DCC: variants seen among roughly 807,000 people sequenced by gnomAD.
The protein encoded by DCC is DCC netrin 1 receptor, also known as netrin receptor DCC.
DCC carries 58 observed loss-of-function variants against 172.5 expected under a neutral mutation model. That is an observed-to-expected ratio of 0.34 (90% CI 0.27 to 0.42). The LOEUF is 0.42. Among genes scored for constraint, DCC ranks in the 10% least tolerant of loss-of-function variants. The pLI, the probability that DCC is intolerant of heterozygous loss-of-function variation, is 1.00. For missense variants in DCC, 1,740 were observed against 1,791.0 expected (o/e 0.97, Z 0.51); for synonymous variants, 709 against 644.5 (o/e 1.10, Z -1.52).
At chr18:53,313,842 G>A (rs1313676216) in intron 13 of DCC, among the ~76,000 whole-genome samples, 1 of 152,162 alleles carries the variant, frequency 6.6e-6, no homozygotes, top group Non-Finnish European at 1.5e-5. Context: ...GATAGTCCAA[G>A]CTTTAACTAA....
At chr18:53,327,651 A>G (rs2057481345) in intron 14 of DCC, among the ~76,000 whole-genome samples, 1 of 152,186 alleles carries the variant, frequency 6.6e-6, no homozygotes, top group African/African-American at 2.4e-5. Flanking sequence ...CCCAGGAAAT[A>G]GGTAATCAGC....
intron 1 of DCC, among the ~76,000 whole-genome samples, chr18:52,541,901 A>G (rs1372149832): frequency 1.5e-5 from 2 of 137,018 alleles, no homozygotes; most frequent in African/African-American, 5.4e-5. Context: ...ATATATGTGT[A>G]TATATATATG....
Position 53,530,643 on chromosome 18 carries a change from C to G in DCC, c.4334C>G (p.Ser1445Ter), listed in dbSNP as rs1251785059. 8.8e-6 allele frequency: 14 copies of G among 1,584,590 alleles called. No individual in the cohort carries two copies. Among genetic ancestry groups the G allele is most frequent in the Non-Finnish European group, 1.2e-5 (14 of 1,153,102 alleles). The change falls in exon 29 of 29, where the codon TCA becomes TGA. Residue 1445 changes from serine (S) to a stop codon, truncating the protein, a stop_gained. Transcript: ENST00000442544. LOFTEE classifies it high-confidence loss of function. Reference sequence around the variant, plus strand: ...AAGCAGCTTAATGCCATCACAGGCTCAGCCTTTTAACATGTATTTCTGAAT... The same window carrying G: ...AAGCAGCTTAATGCCATCACAGGCTGAGCCTTTTAACATGTATTTCTGAAT... Reference protein sequence around the residue: ...LMKQLNAITGSAF With the variant: ...LMKQLNAITG
At chr18:52,900,653 C>T (rs1377699925) in intron 2 of DCC, among the ~76,000 whole-genome samples, 1 of 152,182 alleles carries the variant, frequency 6.6e-6, no homozygotes, top group Non-Finnish European at 1.5e-5. Context: ...AACAAATGTT[C>T]TTTCCTTTTT....
intron 2 of DCC, among the ~76,000 whole-genome samples, chr18:52,865,828 C>T (rs2039218791): frequency 6.6e-6 from 1 of 152,032 alleles, no homozygotes; most frequent in Admixed American, 6.6e-5. Flanking sequence ...ACTTGGCTTC[C>T]TTTCTTCCTA....
intron 1 of DCC, among the ~76,000 whole-genome samples, chr18:52,373,888 ATTTTTTTTT>A (rs1296846491): frequency 7.9e-6 from 1 of 127,320 alleles, no homozygotes; most frequent in African/African-American, 3.0e-5. Context: ...TGGTTGCATC[ATTTTTTTTT>A]TTTTTTTTTT....
intron 2 of DCC, among the ~76,000 whole-genome samples, chr18:52,845,391 G>A (rs533823458): frequency 2.0e-5 from 3 of 152,246 alleles, no homozygotes; most frequent in Admixed American, 6.5e-5. Flanking sequence ...AGCAATTCTC[G>A]ATCAAAGAGA....
intron 1 of DCC, among the ~76,000 whole-genome samples, chr18:52,529,541 C>A (rs965302172): frequency 7.9e-5 from 12 of 152,176 alleles, no homozygotes; most frequent in Non-Finnish European, 1.6e-4. Context: ...CCACCCGCCT[C>A]GGCCTCCCAA....
chr18:52,984,079 A>T (rs1475836404), intron 5 of DCC, among the ~76,000 whole-genome samples: 3 of 152,266 alleles, frequency 2.0e-5, no homozygotes, highest in African/African-American at 7.2e-5. Flanking sequence ...CAAAGTGTGT[A>T]TGGCACTGTT....
chr18:53,104,482 T>C (rs2043216873), intron 7 of DCC, among the ~76,000 whole-genome samples: 1 of 152,062 alleles, frequency 6.6e-6, no homozygotes. Context: ...CCACCATGAT[T>C]GGGAGGCCTC....
At chr18:52,352,089 C>G (rs1984149643) in intron 1 of DCC, among the ~76,000 whole-genome samples, 1 of 152,170 alleles carries the variant, frequency 6.6e-6, no homozygotes, top group Non-Finnish European at 1.5e-5. Context: ...ATAAAATGGA[C>G]ACAAAATCAA....
intron 5 of DCC, among the ~76,000 whole-genome samples, chr18:52,972,862 C>G (rs1189991340): frequency 6.6e-6 from 1 of 152,200 alleles, no homozygotes; most frequent in Non-Finnish European, 1.5e-5. Context: ...CCCTCAGAGA[C>G]ACATCACTGA....
At chr18:52,878,392 C>G (rs907960731) in intron 2 of DCC, among the ~76,000 whole-genome samples, 9 of 152,104 alleles carry the variant, frequency 5.9e-5, no homozygotes, top group Admixed American at 3.9e-4. Flanking sequence ...CAAGTTATCT[C>G]CCATACTAAC....
At chr18:52,426,837 T>C (rs1476240014) in intron 1 of DCC, among the ~76,000 whole-genome samples, 1 of 152,138 alleles carries the variant, frequency 6.6e-6, no homozygotes, top group East Asian at 1.9e-4. Flanking sequence ...TTAGTAACTA[T>C]CTGTGATTAT....
At chr18:53,290,727 T>C (rs1377821499) in intron 12 of DCC, among the ~76,000 whole-genome samples, 1 of 152,040 alleles carries the variant, frequency 6.6e-6, no homozygotes, top group African/African-American at 2.4e-5. Flanking sequence ...ATATTGGCCA[T>C]ACCTAAATTT....
At chr18:52,721,921 G>A (rs974871347) in intron 1 of DCC, among the ~76,000 whole-genome samples, 1 of 152,192 alleles carries the variant, frequency 6.6e-6, no homozygotes, top group Non-Finnish European at 1.5e-5. Context: ...CTACTTGGGA[G>A]GCTGAGGCAG....
intron 27 of DCC, among the ~76,000 whole-genome samples, chr18:53,502,598 A>G (rs1045761459): frequency 6.6e-6 from 1 of 152,134 alleles, no homozygotes; most frequent in Admixed American, 6.5e-5. Flanking sequence ...GATGAAGTAA[A>G]GTCATTCTCT....
intron 7 of DCC, among the ~76,000 whole-genome samples, chr18:53,104,329 G>A (rs925850205): frequency 4.6e-5 from 7 of 152,012 alleles, no homozygotes; most frequent in Admixed American, 2.6e-4. Context: ...GAATCATGGG[G>A]CAGGTCTTTT....
intron 9 of DCC, among the ~76,000 whole-genome samples, chr18:53,182,435 C>T (rs2055211440): frequency 6.6e-6 from 1 of 152,128 alleles, no homozygotes; most frequent in Non-Finnish European, 1.5e-5. Flanking sequence ...TGGATAATTC[C>T]TCCCTTACTG....
Sources: gnomAD v4.1 joint callset for allele counts (sites outside exome capture counted in the v4.1 genomes callset) on GRCh38, gnomAD v4.1.1 for gene constraint, MANE v1.5 for transcripts, NCBI Gene and HGNC (gene_info 2026-07-23, HGNC 2026-07-21) for gene names.